TPP2: variants seen among roughly 807,000 people sequenced by gnomAD.
TPP2 encodes tripeptidyl-peptidase 2.
A neutral mutation model predicts 155.9 loss-of-function variants in TPP2; 34 were observed. That is an observed-to-expected ratio of 0.22 (90% CI 0.17 to 0.29). The LOEUF (loss-of-function observed/expected upper bound fraction) is 0.29. Among genes scored for constraint, TPP2 ranks in the 10% least tolerant of loss-of-function variants. The pLI is 1.00. For missense variants in TPP2, 1,028 were observed against 1,522.3 expected (o/e 0.68, Z 5.40); for synonymous variants, 510 against 529.4 (o/e 0.96, Z 0.50).
chr13:102,641,611 TG>T (rs1444029765), intron 16 of TPP2, among the ~76,000 whole-genome samples: 1 of 149,554 alleles, frequency 6.7e-6, no homozygotes, highest in Non-Finnish European at 1.5e-5. Flanking sequence ...TACCATTTTC[TG>T]GTCATCTATC....
chr13:102,661,640 A>G (rs187689534), intron 25 of TPP2, among the ~76,000 whole-genome samples: 1 of 152,368 alleles, frequency 6.6e-6, no homozygotes, highest in Admixed American at 6.5e-5. Context: ...ATATTTCTAT[A>G]AAGATGTACA....
At chr13:102,629,333 G>A (rs989257496) in intron 8 of TPP2, 149 bp from the exon 9 acceptor site, 3 of 853,224 alleles carry the variant, frequency 3.5e-6, no homozygotes, top group South Asian at 3.5e-5. Flanking sequence ...CCCAAGTAGG[G>A]TATATCACTT....
chr13:102,618,870 T>C, intron 5 of TPP2, 24 bp downstream of exon 5: 1 of 1,583,056 alleles, frequency 6.3e-7, no homozygotes, highest in Non-Finnish European at 8.6e-7. Context: ...ATTTTATACA[T>C]CTTCATTTAC....
At chr13:102,622,252 GTTCAT>G (rs368475769) in intron 5 of TPP2, among the ~76,000 whole-genome samples, 4 of 152,074 alleles carry the variant, frequency 2.6e-5, no homozygotes, top group African/African-American at 9.7e-5. Flanking sequence ...TTTTAATGAT[GTTCAT>G]TTCATTTATG....
rs951375780 is a variant in TPP2 at position 102,649,303 on chromosome 13, T to C, written c.2874-105T>C. On this transcript the variant is annotated intron_variant, in intron 22 of 29. Transcript: ENST00000376052. ...CCTTTGATTTTTGAAGTCTTAGCTA[T>C]GGGAATGAATTCAGTGTGGAATTGT... 5 of 1,442,506 alleles carry C rather than the reference T, an allele frequency of 3.5e-6. No homozygotes were observed. In the Admixed American group the frequency reaches 1.1e-4, roughly 32 times the overall value. The allele number at this position is 1,442,506 out of a possible 1,614,324, so 89.4% of individuals were successfully genotyped here.
intron 2 of TPP2, among the ~76,000 whole-genome samples, chr13:102,612,454 TA>T (rs1345294551): frequency 1.3e-5 from 2 of 152,260 alleles, no homozygotes; most frequent in East Asian, 3.8e-4. Context: ...GTTACTGTGT[TA>T]TTAGAACCAT....
chr13:102,624,852 C>CTTTTTTT (rs1029486604), intron 6 of TPP2, among the ~76,000 whole-genome samples: 24 of 83,422 alleles, frequency 2.9e-4, no homozygotes, highest in Admixed American at 4.9e-4. Context: ...TTTTTTTTTC[C>CTTTTTTT]TTTTTTTTTT....
intron 2 of TPP2, among the ~76,000 whole-genome samples, chr13:102,610,521 C>T (rs555732483): frequency 1.4e-4 from 21 of 152,254 alleles, no homozygotes; most frequent in Middle Eastern, 3.4e-3. Flanking sequence ...TCAGCCACCG[C>T]GCCCAGCTGT....
intron 5 of TPP2, among the ~76,000 whole-genome samples, chr13:102,621,342 T>G (rs1043148275): frequency 2.0e-5 from 3 of 152,154 alleles, no homozygotes; most frequent in Admixed American, 6.5e-5. Context: ...TAGAAGCTAC[T>G]CCATGGACTC....
At chr13:102,598,166 C>T (rs913930240) in intron 1 of TPP2, among the ~76,000 whole-genome samples, 1 of 152,044 alleles carries the variant, frequency 6.6e-6, no homozygotes, top group African/African-American at 2.4e-5. Context: ...ACTTTTAACC[C>T]TTTACTGAAA....
intron 1 of TPP2, among the ~76,000 whole-genome samples, chr13:102,597,444 T>G (rs759106839): frequency 2.6e-5 from 4 of 152,120 alleles, no homozygotes; most frequent in Non-Finnish European, 4.4e-5. Context: ...GACCCCAGGT[T>G]GGGCCGTGGT....
intron 29 of TPP2, 119 bp downstream of exon 29, chr13:102,676,534 A>G (rs1277060559): frequency 3.3e-6 from 4 of 1,224,810 alleles, no homozygotes; most frequent in Non-Finnish European, 4.6e-6. Flanking sequence ...ACCAGTTATT[A>G]CAGTAATTAG....
intron 1 of TPP2, among the ~76,000 whole-genome samples, chr13:102,602,798 T>C (rs781584855): frequency 6.6e-6 from 1 of 152,222 alleles, no homozygotes; most frequent in Non-Finnish European, 1.5e-5. Context: ...AGAGTGTGAA[T>C]TCTCCAGGTG....
At chr13:102,616,673 A>G (rs1467380731) in intron 4 of TPP2, among the ~76,000 whole-genome samples, 173 bp downstream of exon 4, 1 of 152,216 alleles carries the variant, frequency 6.6e-6, no homozygotes, top group Non-Finnish European at 1.5e-5. Context: ...CAATGTACAT[A>G]TGTATGAATT....
At chr13:102,646,420 T>TA in intron 20 of TPP2, 30 bp downstream of exon 20, 1 of 1,543,318 alleles carries the variant, frequency 6.5e-7, no homozygotes, top group Non-Finnish European at 8.9e-7. Flanking sequence ...AGTGTACCCT[T>TA]AGGATGAACT....
rs1205683931 is a variant in TPP2, at chr13:102,618,706, T to C, written c.496-16T>C. On this transcript the variant is annotated splice_polypyrimidine_tract_variant and intron_variant, in intron 4 of 29. Transcript: ENST00000376052. ...GACAGAATGTACTAATGTTAATCAG[T>C]TTTCCAACTGACTAGGCAAATAAAC... is the stretch of plus-strand genomic sequence containing the variant. 4 of 1,612,436 alleles carry C rather than the reference T, an allele frequency of 2.5e-6. No homozygotes were observed. Among genetic ancestry groups the C allele is most frequent in the Non-Finnish European group, 3.4e-6 (4 of 1,179,324 alleles).
At chr13:102,609,061 G>A (rs188176393) in intron 2 of TPP2, among the ~76,000 whole-genome samples, 82 of 152,288 alleles carry the variant, frequency 5.4e-4, no homozygotes, top group African/African-American at 1.9e-3. Flanking sequence ...TTGGCCTGGG[G>A]TTTAGGGGAG....
chr13:102,634,158 C>T (rs1416727194), intron 11 of TPP2, 60 bp downstream of exon 11: 4 of 1,601,804 alleles, frequency 2.5e-6, no homozygotes, highest in East Asian at 2.2e-5. Context: ...TTTTCTGAAG[C>T]TCTCATGGTA....
intron 27 of TPP2, among the ~76,000 whole-genome samples, chr13:102,668,036 C>T (rs1403681717): frequency 6.6e-6 from 1 of 152,136 alleles, no homozygotes. Context: ...TAAACATTGT[C>T]GACCCCCAAG....
Sources: gnomAD v4.1 joint callset for allele counts (sites outside exome capture counted in the v4.1 genomes callset) on GRCh38, gnomAD v4.1.1 for gene constraint, MANE v1.5 for transcripts, NCBI Gene and HGNC (gene_info 2026-07-23, HGNC 2026-07-21) for gene names.